The following HOXC4 variants were observed in gnomAD, a reference collection of about 807,000 sequenced individuals.
HOXC4 encodes homeobox protein Hox-C4.
A neutral mutation model predicts 25.5 loss-of-function variants in HOXC4; 15 were observed. The ratio of observed to expected loss-of-function variants is 0.59; its 90% CI spans 0.39 to 0.91. The LOEUF is 0.91. HOXC4 is among the 40% of genes least tolerant of loss of function. The pLI is 0.00. For missense variants in HOXC4, 342 were observed against 352.4 expected (o/e 0.97, Z 0.24); for synonymous variants, 165 against 148.0 (o/e 1.11, Z -0.83).
chr12:54,031,785 C>T (rs1004419140), intron 1 of HOXC4, among the ~76,000 whole-genome samples: 2 of 152,186 alleles, frequency 1.3e-5, no homozygotes, highest in African/African-American at 4.8e-5. Context: ...AAGTATGAGA[C>T]TTGGGGCTAC....
At chr12:54,025,408 G>A (rs960773439) in intron 1 of HOXC4, among the ~76,000 whole-genome samples, 1 of 151,810 alleles carries the variant, frequency 6.6e-6, no homozygotes, top group Non-Finnish European at 1.5e-5. Flanking sequence ...AGGGAAGATC[G>A]GGCTCATCTG....
At chr12:54,040,584 G>T (rs977657500) in intron 1 of HOXC4, among the ~76,000 whole-genome samples, 1 of 152,178 alleles carries the variant, frequency 6.6e-6, no homozygotes, top group Non-Finnish European at 1.5e-5. Context: ...AGTTGTGGGG[G>T]CATCCTCTGG....
intron 1 of HOXC4, chr12:54,032,941 C>T (rs1941042493): frequency 3.5e-6 from 2 of 566,650 alleles, no homozygotes; most frequent in South Asian, 5.2e-5. Context: ...TATGAGTGGC[C>T]GCTCGAGTCA....
chr12:54,036,347 G>A (rs1371322224), intron 1 of HOXC4, among the ~76,000 whole-genome samples: 1 of 152,174 alleles, frequency 6.6e-6, no homozygotes, highest in Admixed American at 6.5e-5. Context: ...GCTTGGCTAA[G>A]GGATTGCACC....
intron 1 of HOXC4, among the ~76,000 whole-genome samples, chr12:54,023,255 G>A (rs532108292): frequency 1.2e-4 from 19 of 152,338 alleles, no homozygotes; most frequent in African/African-American, 4.3e-4. Context: ...TGAGCGTGAT[G>A]GGGTAGAGAT....
intron 1 of HOXC4, chr12:54,034,721 G>T: frequency 1.9e-6 from 1 of 534,906 alleles, no homozygotes; most frequent in Non-Finnish European, 3.4e-6. Flanking sequence ...GGCTCAGCTC[G>T]GTACCCGGGG....
chr12:54,018,874 TC>T (rs1484785764), intron 1 of HOXC4, among the ~76,000 whole-genome samples: 1 of 152,128 alleles, frequency 6.6e-6, no homozygotes, highest in African/African-American at 2.4e-5. Context: ...CGACTGGGAT[TC>T]TGCGCCAAGT....
intron 1 of HOXC4, among the ~76,000 whole-genome samples, chr12:54,022,909 C>T (rs975058253): frequency 6.6e-6 from 1 of 152,150 alleles, no homozygotes; most frequent in East Asian, 1.9e-4. Flanking sequence ...ATCCTTTGAC[C>T]CAGTGCAGAG....
chr12:54,019,722 T>C (rs1940343521), intron 1 of HOXC4, among the ~76,000 whole-genome samples: 3 of 152,120 alleles, frequency 2.0e-5, no homozygotes, highest in South Asian at 4.1e-4. Flanking sequence ...CTCTTAATCC[T>C]AGAACGACCT....
chr12:54,051,868 C>T (rs1937854346), upstream of HOXC4, among the ~76,000 whole-genome samples: 1 of 152,172 alleles, frequency 6.6e-6, no homozygotes, highest in Non-Finnish European at 1.5e-5. Context: ...TTGGGGAAGC[C>T]CTAATTTGGA....
At chr12:54,028,401 A>T in intron 1 of HOXC4, 1 of 1,141,496 alleles carries the variant, frequency 8.8e-7, no homozygotes, top group Non-Finnish European at 1.2e-6. Context: ...GGGTCAGCTG[A>T]CTTTGTCATT....
At chr12:54,046,804 CCT>C (rs1013157364) in intron 1 of HOXC4, among the ~76,000 whole-genome samples, 20 of 152,124 alleles carry the variant, frequency 1.3e-4, no homozygotes, top group Admixed American at 1.2e-3. Flanking sequence ...CAATTTCTCC[CCT>C]CTTTCCCTTC....
intron 1 of HOXC4, among the ~76,000 whole-genome samples, chr12:54,048,291 C>T (rs968667097): frequency 6.6e-6 from 1 of 151,986 alleles, no homozygotes; most frequent in Non-Finnish European, 1.5e-5. Context: ...CAGGAGACCG[C>T]GCTCTCCAAA....
At chr12:54,025,365 A>G (rs1940643933) in intron 1 of HOXC4, among the ~76,000 whole-genome samples, 1 of 152,162 alleles carries the variant, frequency 6.6e-6, no homozygotes, top group Non-Finnish European at 1.5e-5. Flanking sequence ...TAAAATTAAC[A>G]TGAAATGGGA....
intron 1 of HOXC4, among the ~76,000 whole-genome samples, chr12:54,032,601 G>T (rs2136445165): frequency 6.6e-6 from 1 of 152,290 alleles, no homozygotes; most frequent in South Asian, 2.1e-4. Flanking sequence ...TATAAGTGGG[G>T]CCTCGTCTTT....
In HOXC4 at chr12:54,055,180, G is replaced by C. The variant is rs750427957; in HGVS notation, c.770G>C (p.Arg257Pro). Residue 257 changes from arginine to proline, a missense_variant, in exon 2 of 2, where the codon CGG (arginine) becomes CCG (proline). By Grantham distance (103) the Arg-to-Pro change is moderately radical. Transcript: ENST00000430889. ...SQSATPPEQQ[R>P]AEDITRL The stretch of plus-strand genomic sequence containing the variant: ...AGCGCCACGCCGCCGGAGCAGCAAC[G>C]GGCAGAGGACATTACCAGGTTATAA... The C allele has an allele frequency of 1.7e-5, 28 of 1,607,994 alleles. No individual in the cohort carries two copies. Among genetic ancestry groups the C allele is most frequent in the Non-Finnish European group, 2.4e-5 (28 of 1,176,840 alleles).
chr12:54,046,509 T>C (rs967205062), intron 1 of HOXC4, among the ~76,000 whole-genome samples: 6 of 151,918 alleles, frequency 3.9e-5, no homozygotes, highest in Non-Finnish European at 7.4e-5. Flanking sequence ...AGAAAGACAT[T>C]CCCAATCCCC....
At chr12:54,042,678 C>G (rs1331136047) in intron 1 of HOXC4, among the ~76,000 whole-genome samples, 2 of 152,184 alleles carry the variant, frequency 1.3e-5, no homozygotes, top group Non-Finnish European at 2.9e-5. Context: ...ACTAGGGCCC[C>G]TGAAGCCCTT....
Position 54,055,102 on chromosome 12 carries a change from C to A in HOXC4, c.692C>A (p.Ala231Glu), listed in dbSNP as rs1386556962. 6.2e-7 allele frequency: 1 copy of A among 1,613,204 alleles called. No individual in the cohort carries two copies. The highest frequency in any genetic ancestry group is 8.5e-7 in the Non-Finnish European group (1 of 1,179,800). ...KVRSAPPAGA[A>E]PSTLSAATPG... Reference sequence around the variant, plus strand: ...AGGTCAGCACCCCCGGCCGGCGCTGCGCCCAGCACCCTTTCGGCAGCTACC... The same window carrying A: ...AGGTCAGCACCCCCGGCCGGCGCTGAGCCCAGCACCCTTTCGGCAGCTACC... Residue 231 changes from alanine (A) to glutamate (E), a missense_variant, in exon 2 of 2, where the codon GCG becomes GAG. Physicochemically the swap from Ala to Glu is moderately radical, Grantham distance 107. Transcript: ENST00000430889.
Sources: gnomAD v4.1 joint callset for allele counts (sites outside exome capture counted in the v4.1 genomes callset) on GRCh38, gnomAD v4.1.1 for gene constraint, MANE v1.5 for transcripts, NCBI Gene and HGNC (gene_info 2026-07-23, HGNC 2026-07-21) for gene names.